Variants in FOXP2 observed in about 807,000 individuals in gnomAD.
FOXP2 encodes the protein forkhead box protein P2.
A neutral mutation model predicts 115.8 loss-of-function variants in FOXP2; 12 were observed. The observed-to-expected ratio is 0.10, with a 90% CI of 0.07 to 0.17. The LOEUF is 0.17. Ranked by LOEUF, FOXP2 falls within the 10% of genes least tolerant of loss-of-function variation. The probability of loss-of-function intolerance (pLI) is 1.00; values close to 1 mark genes in which losing one functional copy is unlikely to be tolerated. For missense variants in FOXP2, 629 were observed against 843.5 expected, an observed-to-expected ratio of 0.75 and a Z score of 3.15; for synonymous variants, 328 against 297.7, an observed-to-expected ratio of 1.10 and a Z score of -1.05.
intron 3 of FOXP2, among the ~76,000 whole-genome samples, chr7:114,558,682 A>C (rs1800592297): frequency 6.6e-6 from 1 of 152,122 alleles, no homozygotes; most frequent in Non-Finnish European, 1.5e-5. Context: ...TTGTATACTA[A>C]TGTCCATTTA....
At chr7:114,198,492 TA>T (rs1793971011) in intron 1 of FOXP2, among the ~76,000 whole-genome samples, 1 of 152,160 alleles carries the variant, frequency 6.6e-6, no homozygotes. Context: ...CATCAGGCAT[TA>T]ATTAGATTCT....
At chr7:114,633,689 G>A (rs1805047877) in intron 6 of FOXP2, among the ~76,000 whole-genome samples, 1 of 152,162 alleles carries the variant, frequency 6.6e-6, no homozygotes, top group South Asian at 2.1e-4. Context: ...TATCATTGTG[G>A]AGGCTCATTG....
chr7:114,132,791 A>G (rs1290459219), intron 1 of FOXP2, among the ~76,000 whole-genome samples: 3 of 152,184 alleles, frequency 2.0e-5, no homozygotes. Context: ...CAAGCAGGCC[A>G]GTACAGCTGG....
At chr7:114,406,661 A>G (rs1019250823) in intron 2 of FOXP2, among the ~76,000 whole-genome samples, 1 of 152,134 alleles carries the variant, frequency 6.6e-6, no homozygotes, top group South Asian at 2.1e-4. Flanking sequence ...AATTGAGGAA[A>G]AAGTTAAAAA....
intron 1 of FOXP2, among the ~76,000 whole-genome samples, chr7:114,218,741 G>T (rs1426421062): frequency 6.6e-6 from 1 of 152,178 alleles, no homozygotes; most frequent in Non-Finnish European, 1.5e-5. Flanking sequence ...TGGCAGAATT[G>T]CAGTGTGGTT....
chr7:114,090,624 T>G (rs1386313323), intron 1 of FOXP2, among the ~76,000 whole-genome samples: 1 of 151,810 alleles, frequency 6.6e-6, no homozygotes, highest in Non-Finnish European at 1.5e-5. Flanking sequence ...AAAAACATAT[T>G]CCAGTGCTCA....
intron 2 of FOXP2, among the ~76,000 whole-genome samples, chr7:114,529,434 G>T (rs1799032510): frequency 6.6e-6 from 1 of 151,722 alleles, no homozygotes; most frequent in African/African-American, 2.4e-5. Flanking sequence ...TAAGATATTT[G>T]ATTGGTAAAT....
At chr7:114,675,534 T>C (rs1172733742) in intron 16 of FOXP2, among the ~76,000 whole-genome samples, 1 of 152,162 alleles carries the variant, frequency 6.6e-6, no homozygotes, top group African/African-American at 2.4e-5. Flanking sequence ...CATTGGCAAA[T>C]TGGAACTAAT....
chr7:114,521,049 G>T (rs886134796), intron 2 of FOXP2, among the ~76,000 whole-genome samples: 1 of 152,084 alleles, frequency 6.6e-6, no homozygotes, highest in Non-Finnish European at 1.5e-5. Flanking sequence ...GCTTTCTAAA[G>T]ACTGGAAATA....
intron 2 of FOXP2, among the ~76,000 whole-genome samples, chr7:114,517,017 CT>C (rs945624839): frequency 3.2e-4 from 47 of 146,004 alleles, no homozygotes; most frequent in East Asian, 8.0e-4. Context: ...AGTAACCATT[CT>C]TTTTTTTTTT....
intron 1 of FOXP2, among the ~76,000 whole-genome samples, chr7:114,229,193 G>A (rs1010678594): frequency 1.3e-5 from 2 of 150,606 alleles, no homozygotes; most frequent in African/African-American, 4.8e-5. Context: ...TCATCATGAA[G>A]ATATAACTAT....
chr7:114,607,552 T>C (rs1803395760), intron 3 of FOXP2, among the ~76,000 whole-genome samples: 1 of 152,160 alleles, frequency 6.6e-6, no homozygotes. Flanking sequence ...TAAAATATAA[T>C]GTTAGAATTA....
intron 1 of FOXP2, among the ~76,000 whole-genome samples, chr7:114,102,701 C>T (rs13228513): frequency 0.023 from 2,576 of 114,180 alleles, 33 homozygotes; most frequent in Non-Finnish European, 0.041. Context: ...ACACACCACA[C>T]ACACACACAC....
intron 3 of FOXP2, among the ~76,000 whole-genome samples, chr7:114,617,732 G>A (rs1804027230): frequency 1.3e-5 from 2 of 152,234 alleles, no homozygotes; most frequent in South Asian, 4.1e-4. Context: ...GGTGGAGGTT[G>A]CAGTGAGCTG....
chr7:114,439,142 T>C (rs1483628039), intron 2 of FOXP2, among the ~76,000 whole-genome samples: 2 of 152,234 alleles, frequency 1.3e-5, no homozygotes, highest in Admixed American at 1.3e-4. Context: ...ATTAAATTTT[T>C]CTCATTCCAA....
chr7:114,160,782 C>CTGTGTG (rs34540150), upstream of FOXP2, among the ~76,000 whole-genome samples: 7,682 of 147,222 alleles, frequency 0.052, 371 homozygotes, highest in African/African-American at 0.14. Flanking sequence ...AGTATATTTT[C>CTGTGTG]TGTGTGTGTG....
chr7:114,195,646 A>G (rs919726757), intron 1 of FOXP2, among the ~76,000 whole-genome samples: 2 of 152,052 alleles, frequency 1.3e-5, no homozygotes, highest in Admixed American at 6.5e-5. Context: ...TTAAATTCAT[A>G]TATTTTTTTC....
intron 11 of FOXP2, 109 bp from the exon 12 acceptor site, chr7:114,659,247 G>A (rs896743964): frequency 2.5e-6 from 2 of 794,140 alleles, no homozygotes; most frequent in Admixed American, 2.0e-5. Context: ...TTCACTAGTC[G>A]GTGGCTTCCT....
intron 1 of FOXP2, among the ~76,000 whole-genome samples, chr7:114,223,657 T>C (rs1794678745): frequency 6.6e-6 from 1 of 150,930 alleles, no homozygotes; most frequent in Admixed American, 6.6e-5. Context: ...TTCTTTTTGT[T>C]GAGAGTAAGA....
Sources: allele counts gnomAD v4.1 joint callset (sites outside exome capture counted in the v4.1 genomes callset), GRCh38; gene constraint gnomAD v4.1.1; transcripts MANE v1.5; gene names NCBI Gene and HGNC (gene_info 2026-07-23, HGNC 2026-07-21).